Variants in NOL10 observed in about 807,000 individuals in gnomAD.
NOL10 encodes nucleolar protein 10.
Under a neutral mutation model 103.5 loss-of-function variants are expected in NOL10, and 58 were observed. The ratio of observed to expected loss-of-function variants is 0.56; its 90% confidence interval spans 0.45 to 0.70. The LOEUF is 0.70. Ranked by LOEUF, NOL10 falls within the 30% of genes least tolerant of loss-of-function variation. NOL10 has a pLI of 0.00. For synonymous variants in NOL10, 287 were observed against 282.5 expected (o/e 1.02, Z -0.16); for missense variants, 763 against 807.3 (o/e 0.95, Z 0.67).
At chr2:10,609,356 G>A (rs1370493179) in intron 13 of NOL10, among the ~76,000 whole-genome samples, 1 of 151,256 alleles carries the variant, frequency 6.6e-6, no homozygotes, top group South Asian at 2.1e-4. Context: ...GGGAGGCCGA[G>A]GCGGGAGGAT....
At chr2:10,604,801 T>G (rs563689325) in intron 14 of NOL10, 1 of 152,184 alleles carries the variant, frequency 6.6e-6, no homozygotes, top group Non-Finnish European at 1.5e-5. Context: ...ACTCCATGGA[T>G]CACTAGTCCC....
rs1572349674 is a variant in NOL10 at position 10,638,334 on chromosome 2, TAAC to T, written c.1026+5983_1026+5985del. On this transcript the variant is annotated intron_variant, in intron 13 of 20. Transcript: ENST00000381685. The stretch of plus-strand genomic sequence containing the variant: ...TGACGTGACGTGACGTGACGTGACG[TAAC>T]GTAACGTAACGTAACGTAACGTAAC... Among the ~76,000 whole-genome samples the T allele has an allele frequency of 4.3e-3, 502 of 117,932 alleles. 1 individual carries two copies. The highest frequency in any genetic ancestry group is 9.0e-3 in the African/African-American group (207 of 23,054). 77.4% of individuals were successfully genotyped at this position (117,932 alleles called of 152,430 possible).
At chr2:10,591,463 G>A (rs1251153537) in intron 17 of NOL10, among the ~76,000 whole-genome samples, 1 of 152,170 alleles carries the variant, frequency 6.6e-6, no homozygotes, top group Non-Finnish European at 1.5e-5. Context: ...CCAGCCGATG[G>A]GAGTGGTGAA....
intron 1 of NOL10, among the ~76,000 whole-genome samples, chr2:10,686,504 G>A (rs1273918418): frequency 4.6e-5 from 7 of 152,166 alleles, no homozygotes; most frequent in Admixed American, 3.9e-4. Flanking sequence ...CAAGAGAGCA[G>A]GAGCCACTGG....
At chr2:10,669,229 A>G (rs948815521) in intron 6 of NOL10, among the ~76,000 whole-genome samples, 2 of 151,376 alleles carry the variant, frequency 1.3e-5, no homozygotes, top group African/African-American at 2.4e-5. Context: ...GGGTTTCACC[A>G]TGTTGGCCAG....
chr2:10,681,930 G>T, intron 3 of NOL10, 41 bp downstream of exon 3: 1 of 884,142 alleles, frequency 1.1e-6, no homozygotes. Context: ...AGCATTTCCT[G>T]GTACAAAATG....
chr2:10,587,061 A>ATATACATG, intron 19 of NOL10, among the ~76,000 whole-genome samples: 1 of 40,088 alleles, frequency 2.5e-5, no homozygotes, highest in Non-Finnish European at 5.4e-5. Flanking sequence ...ATATACATAT[A>ATATACATG]TATATACATA....
At position 10,682,493 on chromosome 2, in the gene NOL10, G is replaced by A. The variant is rs998494974; in HGVS notation, c.113-424C>T. Among the ~76,000 whole-genome samples, 27 of 146,364 alleles carry A rather than the reference G, an allele frequency of 1.8e-4. No individual in the cohort carries two copies. In the South Asian group the frequency reaches 4.4e-3, roughly 24 times the overall value. The stretch of plus-strand genomic sequence containing the variant: ...TGGCTCACTGCAGCCTCAACCTCCC[G>A]GGCTGAAGCGATCCTCACACCTCAG... On this transcript the variant is annotated intron_variant, in intron 2 of 20. Coordinates refer to ENST00000381685, the MANE Select transcript of NOL10 (RefSeq NM_024894.4).
chr2:10,664,064 C>G (rs893448427), intron 8 of NOL10, among the ~76,000 whole-genome samples: 1 of 150,732 alleles, frequency 6.6e-6, no homozygotes, highest in Non-Finnish European at 1.5e-5. Context: ...GAGGCTACAG[C>G]GAGCTGAGCG....
intron 13 of NOL10, among the ~76,000 whole-genome samples, chr2:10,637,553 T>C (rs555757402): frequency 5.9e-5 from 9 of 152,298 alleles, no homozygotes; most frequent in African/African-American, 1.9e-4. Context: ...AGGCCTCACC[T>C]CTGCGGGGAG....
chr2:10,662,769 T>C lies in NOL10; in HGVS notation c.677+190A>G, dbSNP rs559346113. Among the ~76,000 whole-genome samples the C allele has an allele frequency of 2.4e-4, 37 of 152,314 alleles. No homozygotes were observed. In the East Asian group the frequency reaches 6.9e-3, roughly 29 times the overall value. ...AACTAAAGAAATAAGGCCTTCTGTA[T>C]AGTATTTTGGAAAGAAATTCTATCT... On this transcript the variant is annotated intron_variant, in intron 9 of 20. Coordinates refer to ENST00000381685, the MANE Select transcript of NOL10 (RefSeq NM_024894.4).
chr2:10,671,696 A>G lies in NOL10; in HGVS notation c.328-6T>C, dbSNP rs768242604. Reference sequence around the variant, plus strand: ...TCATTATGTAAGAAGACAATCTGAAAATAAAACAAAAAAATTAGTTTGCTT... The same window carrying G: ...TCATTATGTAAGAAGACAATCTGAAGATAAAACAAAAAAATTAGTTTGCTT... On this transcript the variant is annotated splice_region_variant and splice_polypyrimidine_tract_variant and intron_variant, in intron 5 of 20. Transcript: ENST00000381685. 1 of 1,543,210 alleles carries G rather than the reference A, an allele frequency of 6.5e-7. No homozygotes were observed. The highest frequency in any genetic ancestry group is 1.2e-5 in the South Asian group (1 of 82,282).
rs1681270101 is a variant in NOL10, at chr2:10,675,838, G to A, written c.245C>T (p.Thr82Ile). 3 of 1,581,684 alleles carry A rather than the reference G, an allele frequency of 1.9e-6. No homozygotes were observed. The highest frequency in any genetic ancestry group is 2.6e-6 in the Non-Finnish European group (3 of 1,160,406). Residue 82 changes from threonine to isoleucine, a missense_variant, in exon 4 of 21, where the codon ACC becomes ATC. Physicochemically the swap from Thr to Ile is moderately conservative, Grantham distance 89. Transcript: ENST00000381685. ...TTCAAACTTCAAGGATAATTGATAG[G>A]TGTCATAACATCGAACCCGAGGTTT... ...TYKPRVRCYDTYQLSLKFERC... is the reference protein window; with the variant it reads ...TYKPRVRCYDIYQLSLKFERC...
intron 13 of NOL10, among the ~76,000 whole-genome samples, chr2:10,613,519 T>C (rs1676678325): frequency 6.6e-6 from 1 of 152,236 alleles, no homozygotes; most frequent in Non-Finnish European, 1.5e-5. Context: ...TGAGAGGCTA[T>C]GGTTTCATAA....
intron 13 of NOL10, among the ~76,000 whole-genome samples, chr2:10,631,400 C>G (rs760954693): frequency 6.6e-6 from 1 of 152,198 alleles, no homozygotes; most frequent in Non-Finnish European, 1.5e-5. Flanking sequence ...CTGTCATACT[C>G]TAGATGCAAA....
intron 7 of NOL10, 75 bp from the exon 8 acceptor site, chr2:10,667,353 A>C (rs1340656424): frequency 9.2e-7 from 1 of 1,089,342 alleles, no homozygotes. Context: ...TTAAATAAAT[A>C]AACAGTCAAC....
intron 13 of NOL10, among the ~76,000 whole-genome samples, chr2:10,621,160 C>A (rs556671144): frequency 6.6e-6 from 1 of 152,082 alleles, no homozygotes; most frequent in South Asian, 2.1e-4. Context: ...ATCTAAGCAC[C>A]TGCAAAAAGA....
chr2:10,628,684 G>C (rs1179645559), intron 13 of NOL10, among the ~76,000 whole-genome samples: 1 of 152,132 alleles, frequency 6.6e-6, no homozygotes, highest in Non-Finnish European at 1.5e-5. Context: ...TACAGCAGGA[G>C]ACTTGCACCT....
intron 19 of NOL10, among the ~76,000 whole-genome samples, chr2:10,582,417 C>T (rs1237574285): frequency 6.6e-6 from 1 of 152,154 alleles, no homozygotes; most frequent in Admixed American, 6.5e-5. Context: ...ATATTGACTA[C>T]CCAAGGAGAG....
Sources: allele counts gnomAD v4.1 joint callset (sites outside exome capture counted in the v4.1 genomes callset), GRCh38; gene constraint gnomAD v4.1.1; transcripts MANE v1.5; gene names NCBI Gene and HGNC (gene_info 2026-07-23, HGNC 2026-07-21).